Variants in PARD3B observed in about 807,000 individuals in gnomAD.
PARD3B encodes the protein par-3 family cell polarity regulator beta.
PARD3B carries 103 observed loss-of-function variants against 130.2 expected under a neutral mutation model. The ratio of observed to expected loss-of-function variants is 0.79; its 90% confidence interval spans 0.67 to 0.93. The LOEUF (loss-of-function observed/expected upper bound fraction) is 0.93. PARD3B is among the 40% of genes least tolerant of loss of function. The pLI is 0.00. For missense variants in PARD3B, 1,609 were observed against 1,499.2 expected, an observed-to-expected ratio of 1.07 and a Z score of -1.21; for synonymous variants, 583 against 553.2, an observed-to-expected ratio of 1.05 and a Z score of -0.76.
intron 2 of PARD3B, among the ~76,000 whole-genome samples, chr2:204,882,592 T>C (rs568014561): frequency 1.3e-5 from 2 of 152,330 alleles, no homozygotes; most frequent in South Asian, 4.1e-4. Context: ...ACATGCACTT[T>C]GAAAGCTGCA....
chr2:205,375,782 G>A (rs939870585), intron 18 of PARD3B, among the ~76,000 whole-genome samples: 5 of 152,186 alleles, frequency 3.3e-5, no homozygotes, highest in African/African-American at 1.2e-4. Flanking sequence ...AATTTGAGAA[G>A]CCTCTGGACA....
At chr2:204,720,530 A>G (rs1256139309) in intron 2 of PARD3B, among the ~76,000 whole-genome samples, 4 of 152,218 alleles carry the variant, frequency 2.6e-5, no homozygotes, top group Non-Finnish European at 4.4e-5. Context: ...GTAATATGAA[A>G]AAGAAATCAG....
chr2:205,381,646 A>G (rs1054448119), intron 18 of PARD3B, among the ~76,000 whole-genome samples: 2 of 152,014 alleles, frequency 1.3e-5, no homozygotes, highest in African/African-American at 4.8e-5. Context: ...CTCTAGCTTC[A>G]TGTCCGTTTC....
rs935178774 is a variant in PARD3B, at chr2:205,281,061, C to T, written c.2186-19469C>T. Among the ~76,000 whole-genome samples, 3 of 152,156 alleles carry T rather than the reference C, an allele frequency of 2.0e-5. No individual in the cohort carries two copies. Among genetic ancestry groups the T allele is most frequent in the African/African-American group, 7.2e-5 (3 of 41,438 alleles). ...TAGTCGAGCTCTGCCATTTTCGATGCTCTGGTGTCACCCATGGCAACAATA... is the reference window on the plus strand; with the variant it reads ...TAGTCGAGCTCTGCCATTTTCGATGTTCTGGTGTCACCCATGGCAACAATA... On this transcript the variant is annotated intron_variant, in intron 16 of 22. Coordinates refer to ENST00000406610, the MANE Select transcript of PARD3B (RefSeq NM_001302769.2). The surrounding 1 kb of genome is among the most constrained non-coding windows in gnomAD (Gnocchi z 4.2).
rs1019794170 is a variant in PARD3B at position 205,241,710 on chromosome 2, A to G, written c.2141-4068A>G. On this transcript the variant is annotated intron_variant, in intron 15 of 22. Transcript: ENST00000406610. This position sits in a 1 kb window ranked among gnomAD's most constrained non-coding sequence, Gnocchi z 4.2. ...TTTAATTAATACTTTACTGTTTTGG[A>G]ATCAAAGACCTTTCCCACACCAGGC... Among the ~76,000 whole-genome samples, 4 of 152,126 alleles carry G rather than the reference A, an allele frequency of 2.6e-5. No individual in the cohort carries two copies. Among genetic ancestry groups the G allele is most frequent in the Admixed American group, 1.3e-4 (2 of 15,256 alleles).
intron 2 of PARD3B, among the ~76,000 whole-genome samples, chr2:204,821,542 G>C (rs965159583): frequency 8.4e-6 from 1 of 119,610 alleles, no homozygotes; most frequent in African/African-American, 3.2e-5. Context: ...ACACTCTCGG[G>C]ACTGTTGTGG....
intron 22 of PARD3B, among the ~76,000 whole-genome samples, chr2:205,607,456 T>C (rs1465761625): frequency 6.6e-6 from 1 of 152,168 alleles, no homozygotes; most frequent in Non-Finnish European, 1.5e-5. Flanking sequence ...GCTCTGCCAC[T>C]ACCAGTGTGA....
intron 15 of PARD3B, among the ~76,000 whole-genome samples, chr2:205,233,187 A>G (rs2038921601): frequency 6.6e-6 from 1 of 152,224 alleles, no homozygotes; most frequent in Admixed American, 6.5e-5. Flanking sequence ...GATTTCTCAC[A>G]GGAAAAATAC....
At position 205,615,724 on chromosome 2, in the gene PARD3B, A is replaced by G; in HGVS notation, c.3529A>G (p.Arg1177Gly). ...QRMPAYQETG[R>G]PGPRGGSPDQ... ...AATGCCAGCCTATCAGGAAACAGGC[A>G]GACCAGGGCCCCGTGGGGGCAGCCC... is the stretch of plus-strand genomic sequence containing the variant. The change falls in exon 23 of 23, where the codon AGA becomes GGA. Residue 1177 changes from arginine to glycine, a missense_variant. By Grantham distance (125) the Arg-to-Gly change is moderately radical (BLOSUM62 -2). Transcript: ENST00000406610. 1 of 1,614,136 alleles carries G rather than the reference A, an allele frequency of 6.2e-7. No homozygotes were observed. Among genetic ancestry groups the G allele is most frequent in the Non-Finnish European group, 8.5e-7 (1 of 1,180,026 alleles).
rs746453686 is a variant in PARD3B, at chr2:205,301,804, T to C, written c.2630+103T>C. ...AAAAAAGCGCACGCTTTTCCTCGTCTTCAGCCAAATGCATACGGCTCTCAA... is the reference window on the plus strand; with the variant it reads ...AAAAAAGCGCACGCTTTTCCTCGTCCTCAGCCAAATGCATACGGCTCTCAA... On this transcript the variant is annotated intron_variant, in intron 18 of 22. Transcript: ENST00000406610. This position sits in a 1 kb window ranked among gnomAD's most constrained non-coding sequence, Gnocchi z 5.2. 5.2e-6 allele frequency: 8 copies of C among 1,545,714 alleles called. No homozygotes were observed. The East Asian group carries it at 9.0e-5, about 17-fold the overall frequency.
At chr2:204,941,852 ATATT>A (rs1575374106) in intron 2 of PARD3B, among the ~76,000 whole-genome samples, 1 of 152,168 alleles carries the variant, frequency 6.6e-6, no homozygotes, top group South Asian at 2.1e-4. Flanking sequence ...GTATATATAT[ATATT>A]TAAATTATAT....
chr2:205,183,228 G>A lies in PARD3B; in HGVS notation c.1925-2536G>A, dbSNP rs62172731. On this transcript the variant is annotated intron_variant, in intron 13 of 22. Coordinates refer to ENST00000406610, the MANE Select transcript of PARD3B (RefSeq NM_001302769.2). This position sits in a 1 kb window ranked among gnomAD's most constrained non-coding sequence, Gnocchi z 5.2. ...TGTTGGCAGGGAATGGTAAGCTAACGGGTAATGGGAGATAAAGTTGTTTGC... is the reference window on the plus strand; with the variant it reads ...TGTTGGCAGGGAATGGTAAGCTAACAGGTAATGGGAGATAAAGTTGTTTGC... 0.035 allele frequency among the ~76,000 whole-genome samples: 5,351 copies of A among 152,206 alleles called. 135 individuals are homozygous for A. The highest frequency in any genetic ancestry group is 0.051 in the Non-Finnish European group (3,474 of 67,998).
chr2:204,635,760 A>G (rs1476660699), intron 1 of PARD3B, among the ~76,000 whole-genome samples: 1 of 152,200 alleles, frequency 6.6e-6, no homozygotes, highest in Non-Finnish European at 1.5e-5. Flanking sequence ...TGGGGATAAT[A>G]ATAATCTACC....
chr2:204,644,138 T>C (rs2035189723), intron 1 of PARD3B, among the ~76,000 whole-genome samples: 1 of 152,202 alleles, frequency 6.6e-6, no homozygotes. Context: ...TTGCTGTAGT[T>C]CTTTTTGCCC....
At chr2:205,296,170 T>G (rs1187783341) in intron 16 of PARD3B, among the ~76,000 whole-genome samples, 1 of 152,206 alleles carries the variant, frequency 6.6e-6, no homozygotes, top group East Asian at 1.9e-4. Flanking sequence ...CTTCTATGCT[T>G]TTCTTATCCT....
chr2:205,240,599 A>G (rs1178212482), intron 15 of PARD3B, among the ~76,000 whole-genome samples: 2 of 152,196 alleles, frequency 1.3e-5, no homozygotes, highest in Non-Finnish European at 2.9e-5. Flanking sequence ...AAAAAGAATA[A>G]CTGTAGCTGA....
At position 204,664,622 on chromosome 2, in the gene PARD3B, A is replaced by G. The variant is rs968070064; in HGVS notation, c.121-21559A>G. ...TGGGTTTTAAGGAAATTTCCTTTTA[A>G]GCACATTTTGGCTCTGGTAAAATCT... On this transcript the variant is annotated intron_variant, in intron 1 of 22. Transcript: ENST00000406610. This position sits in a 1 kb window ranked among gnomAD's most constrained non-coding sequence, Gnocchi z 5.2. Among the ~76,000 whole-genome samples, 4 of 152,220 alleles carry G rather than the reference A, an allele frequency of 2.6e-5. No individual in the cohort carries two copies. Among genetic ancestry groups the G allele is most frequent in the African/African-American group, 9.6e-5 (4 of 41,456 alleles).
At position 205,234,662 on chromosome 2, in the gene PARD3B, G is replaced by T. The variant is rs144111942; in HGVS notation, c.2141-11116G>T. On this transcript the variant is annotated intron_variant, in intron 15 of 22. Coordinates refer to ENST00000406610, the MANE Select transcript of PARD3B (RefSeq NM_001302769.2). ...CCAAAAAATCAATAAGGCTATAGAAGATTTGAACAATATTATCAACTATCT... is the reference window on the plus strand; with the variant it reads ...CCAAAAAATCAATAAGGCTATAGAATATTTGAACAATATTATCAACTATCT... 2.2e-3 allele frequency among the ~76,000 whole-genome samples: 334 copies of T among 152,184 alleles called. 1 individual carries two copies. Among genetic ancestry groups the T allele is most frequent in the African/African-American group, 6.2e-3 (257 of 41,534 alleles).
At chr2:204,920,758 G>A (rs923709217) in intron 2 of PARD3B, among the ~76,000 whole-genome samples, 15 of 152,036 alleles carry the variant, frequency 9.9e-5, no homozygotes, top group Admixed American at 3.3e-4. Flanking sequence ...ATTTATCATC[G>A]CTGTTGTGTT....
Sources: allele counts gnomAD v4.1 joint callset (sites outside exome capture counted in the v4.1 genomes callset), GRCh38; gene constraint gnomAD v4.1.1; non-coding constraint Gnocchi (gnomAD v3.1); transcripts MANE v1.5; gene names NCBI Gene and HGNC (gene_info 2026-07-23, HGNC 2026-07-21).